GLRA3: variants seen among roughly 807,000 people sequenced by gnomAD.
GLRA3 encodes glycine receptor alpha 3.
Under a neutral mutation model 60.4 loss-of-function variants are expected in GLRA3, and 44 were observed. That is an observed-to-expected ratio of 0.73 (90% CI 0.57 to 0.94). The LOEUF (loss-of-function observed/expected upper bound fraction) is 0.94. GLRA3 is among the 40% of genes least tolerant of loss of function. The pLI is 0.00. For missense variants in GLRA3, 508 were observed against 564.6 expected (o/e 0.90, Z 1.02); for synonymous variants, 223 against 192.9 (o/e 1.16, Z -1.29).
chr4:174,722,212 G>A (rs1307221995), intron 4 of GLRA3, among the ~76,000 whole-genome samples: 1 of 152,024 alleles, frequency 6.6e-6, no homozygotes, highest in African/African-American at 2.4e-5. Context: ...TAGCAGTTGT[G>A]CCTGAAACCC....
At chr4:174,693,694 A>C (rs760259182) in intron 5 of GLRA3, among the ~76,000 whole-genome samples, 1 of 152,198 alleles carries the variant, frequency 6.6e-6, no homozygotes, top group East Asian at 1.9e-4. Flanking sequence ...GAAGAATGTC[A>C]TTGTTAATTT....
rs1736413408 is a variant in GLRA3 at position 174,728,612 on chromosome 4, G to A, written c.354C>T (p.Leu118=). Residue 118 remains leucine, a synonymous_variant, in exon 4 of 10, where the codon CTC becomes CTT. Coordinates refer to ENST00000274093, the MANE Select transcript of GLRA3 (RefSeq NM_006529.4). ...AAATGGAGTCCAACATGGAGGGGTC[G>A]AGGTCTAAAGAGTCGTCAGGATATT... ...YSEYPDDSLD[L]DPSMLDSIWK... 1.2e-6 allele frequency: 2 copies of A among 1,611,722 alleles called. No homozygotes were observed. The highest frequency in any genetic ancestry group is 1.3e-5 in the African/African-American group (1 of 74,828).
chr4:174,786,553 A>G (rs1437736454), intron 2 of GLRA3, among the ~76,000 whole-genome samples: 3 of 152,176 alleles, frequency 2.0e-5, no homozygotes, highest in African/African-American at 7.2e-5. Flanking sequence ...ATACTATTTT[A>G]TTTATATTTC....
intron 2 of GLRA3, among the ~76,000 whole-genome samples, chr4:174,782,840 C>T (rs1738945902): frequency 6.6e-6 from 1 of 151,996 alleles, no homozygotes; most frequent in African/African-American, 2.4e-5. Context: ...AATGGAAGAA[C>T]ATTCCATGCT....
At chr4:174,721,950 G>A (rs1009396651) in intron 4 of GLRA3, among the ~76,000 whole-genome samples, 5 of 151,802 alleles carry the variant, frequency 3.3e-5, no homozygotes, top group African/African-American at 1.2e-4. Context: ...AAACTAACTT[G>A]CCTAAGAGAA....
intron 7 of GLRA3, among the ~76,000 whole-genome samples, chr4:174,664,518 TCTCA>T (rs2110908381): frequency 1.3e-5 from 2 of 152,230 alleles, no homozygotes; most frequent in African/African-American, 4.8e-5. Context: ...CTAGGAGGCT[TCTCA>T]CTCTCTCTTT....
rs748333905 is a variant in GLRA3, at chr4:174,682,916, T to C, written c.598A>G (p.Ile200Val). ...ESFGYTMNDL[I>V]FEWQDEAPVQ... is the part of the protein sequence containing the mutation. ...GGTGCCTCATCTTGCCATTCAAAAA[T>C]GAGATCATTCATTGTGTACCCAACT... The change falls in exon 6 of 10, where the codon ATT (isoleucine) becomes GTT (valine). Residue 200 changes from isoleucine (I) to valine (V), a missense_variant. Physicochemically the swap from Ile to Val is conservative, Grantham distance 29 (BLOSUM62 3). This residue lies in a region of GLRA3 where 329 missense variants were observed against 349.3 expected (regional missense o/e 0.94). Coordinates refer to ENST00000274093, the MANE Select transcript of GLRA3 (RefSeq NM_006529.4). 1 of 1,612,396 alleles carries C rather than the reference T, an allele frequency of 6.2e-7. No individual in the cohort carries two copies. The highest frequency in any genetic ancestry group is 1.3e-5 in the African/African-American group (1 of 74,872).
intron 1 of GLRA3, among the ~76,000 whole-genome samples, chr4:174,805,703 A>C (rs1480390801): frequency 6.6e-6 from 1 of 152,176 alleles, no homozygotes; most frequent in Non-Finnish European, 1.5e-5. Flanking sequence ...CAGGGTAATA[A>C]AAAGTATTTT....
intron 5 of GLRA3, among the ~76,000 whole-genome samples, chr4:174,693,250 T>G (rs9884281): frequency 1 from 151,633 of 152,258 alleles, 75,508 homozygotes; most frequent in East Asian, 1. Context: ...TGTCCAGGAT[T>G]GTATTTCTTA....
rs182910043 is a variant in GLRA3, at chr4:174,824,148, C to T, written c.71+4593G>A. Among the ~76,000 whole-genome samples, 808 of 152,212 alleles carry T rather than the reference C, an allele frequency of 5.3e-3. 5 individuals are homozygous for T. The highest frequency in any genetic ancestry group is 0.027 in the Middle Eastern group (8 of 294). ...TGCAAGCATCTTAACCTCAAAATACCCCGAACCAAATTCAATGTCCTCTTT... is the reference window on the plus strand; with the variant it reads ...TGCAAGCATCTTAACCTCAAAATACTCCGAACCAAATTCAATGTCCTCTTT... On this transcript the variant is annotated intron_variant, in intron 1 of 9. Coordinates refer to ENST00000274093, the MANE Select transcript of GLRA3 (RefSeq NM_006529.4).
intron 1 of GLRA3, among the ~76,000 whole-genome samples, chr4:174,827,964 T>A (rs1741045121): frequency 6.6e-6 from 1 of 152,106 alleles, no homozygotes; most frequent in African/African-American, 2.4e-5. Context: ...CAAAATTCTA[T>A]ATGAGCAGTA....
chr4:174,782,542 G>A (rs374297490), intron 2 of GLRA3, among the ~76,000 whole-genome samples: 33 of 151,742 alleles, frequency 2.2e-4, no homozygotes, highest in African/African-American at 5.6e-4. Context: ...CTGTTTGCAG[G>A]CGACATGATT....
intron 5 of GLRA3, 78 bp downstream of exon 5, chr4:174,715,410 A>G: frequency 2.8e-6 from 2 of 718,434 alleles, no homozygotes; most frequent in East Asian, 2.6e-5. Context: ...TACAAAATAA[A>G]TTATCCATAT....
intron 5 of GLRA3, among the ~76,000 whole-genome samples, chr4:174,698,952 T>C (rs1735182998): frequency 1.3e-5 from 2 of 152,092 alleles, no homozygotes; most frequent in Non-Finnish European, 1.5e-5. Context: ...ATTTGCCATA[T>C]ATATAAAGCC....
intron 7 of GLRA3, among the ~76,000 whole-genome samples, chr4:174,659,816 A>G (rs1475789599): frequency 6.6e-6 from 1 of 152,066 alleles, no homozygotes; most frequent in South Asian, 2.1e-4. Flanking sequence ...TTTTAAAAAT[A>G]CAAAAATTAG....
intron 7 of GLRA3, among the ~76,000 whole-genome samples, chr4:174,667,234 G>T (rs1384494954): frequency 6.6e-6 from 1 of 152,076 alleles, no homozygotes; most frequent in Non-Finnish European, 1.5e-5. Flanking sequence ...ACTAGGAGAT[G>T]TAATCCTACC....
intron 9 of GLRA3, among the ~76,000 whole-genome samples, chr4:174,644,455 G>A (rs1732739772): frequency 6.6e-6 from 1 of 151,082 alleles, no homozygotes; most frequent in Non-Finnish European, 1.5e-5. Flanking sequence ...GATGTCGAAG[G>A]GGAACATACC....
rs1399154943 is a variant in GLRA3 at position 174,639,888 on chromosome 4, A to G, written c.*3898T>C. ...CACACAAATAAGGAAATAAAAACCA[A>G]TGCATCTGCTGAGGAAGATGTCTCT... is the stretch of plus-strand genomic sequence containing the variant. On this transcript the variant is annotated 3_prime_UTR_variant, in exon 10 of 10. Transcript: ENST00000274093. 1 of 152,160 alleles carries G rather than the reference A, an allele frequency of 6.6e-6. No homozygotes were observed. The highest frequency in any genetic ancestry group is 2.4e-5 in the African/African-American group (1 of 41,446). 9.4% of individuals were successfully genotyped at this position (152,160 alleles called of 1,614,324 possible). A position where few individuals can be genotyped will look rare whatever the true frequency, so the allele number is the denominator to read the frequency against.
At chr4:174,741,793 T>C (rs1014906544) in intron 3 of GLRA3, among the ~76,000 whole-genome samples, 4 of 152,134 alleles carry the variant, frequency 2.6e-5, no homozygotes, top group African/African-American at 9.7e-5. Context: ...TTGCAGCTTA[T>C]TTTTTTCTTC....
Sources: gnomAD v4.1 joint callset for allele counts (sites outside exome capture counted in the v4.1 genomes callset) on GRCh38, gnomAD v4.1.1 for gene constraint, gnomAD v4.1.1 regional missense constraint, MANE v1.5 for transcripts, NCBI Gene and HGNC (gene_info 2026-07-23, HGNC 2026-07-21) for gene names.